Variants in STARD13 observed in about 807,000 individuals in gnomAD.
STARD13 encodes stAR-related lipid transfer protein 13.
A neutral mutation model predicts 106.4 loss-of-function variants in STARD13; 62 were observed. The observed-to-expected ratio is 0.58, with a 90% CI of 0.48 to 0.72. The LOEUF (loss-of-function observed/expected upper bound fraction) is 0.72. Ranked by LOEUF, STARD13 falls within the 30% of genes least tolerant of loss-of-function variation. STARD13 has a pLI of 0.00. For synonymous variants in STARD13, 565 were observed against 553.0 expected (o/e 1.02, Z -0.31); for missense variants, 1,387 against 1,424.0 (o/e 0.97, Z 0.42).
chr13:33,121,996 C>T (rs1240006836), intron 7 of STARD13, among the ~76,000 whole-genome samples: 1 of 152,190 alleles, frequency 6.6e-6, no homozygotes, highest in African/African-American at 2.4e-5. Context: ...CAGGCACCTG[C>T]CACCATGCCC....
At chr13:33,189,224 T>G (rs1886025781) in intron 1 of STARD13, among the ~76,000 whole-genome samples, 1 of 151,994 alleles carries the variant, frequency 6.6e-6, no homozygotes, top group South Asian at 2.1e-4. Context: ...AAAGCATGTT[T>G]ATAATTTGGT....
At chr13:33,590,104 A>G in the STARD13 span, among the ~76,000 whole-genome samples, 5,557 of 152,236 alleles carry the variant, frequency 0.037, 264 homozygotes, top group African/African-American at 0.1. Context: ...AAAAATGCTC[A>G]TCATTAGTGG....
At chr13:33,273,957 GTA>G (rs1426401084) in intron 1 of STARD13, 1 of 152,084 alleles carries the variant, frequency 6.6e-6, no homozygotes, top group African/African-American at 2.4e-5. Flanking sequence ...TGTTTTCTCA[GTA>G]TCCTATGCTG....
At chr13:33,240,965 G>C (rs1889457184) in intron 1 of STARD13, among the ~76,000 whole-genome samples, 2 of 151,972 alleles carry the variant, frequency 1.3e-5, no homozygotes, top group African/African-American at 4.8e-5. Flanking sequence ...CCATTTTTTG[G>C]TGGAGTCTTT....
intron 1 of STARD13, among the ~76,000 whole-genome samples, chr13:33,208,326 C>T (rs1018331023): frequency 5.9e-5 from 9 of 151,776 alleles, no homozygotes; most frequent in African/African-American, 1.9e-4. Flanking sequence ...TGAGGGAGGA[C>T]CCAGGAGAGA....
At chr13:33,542,063 CCTT>C in the STARD13 span, among the ~76,000 whole-genome samples, 1 of 146,864 alleles carries the variant, frequency 6.8e-6, no homozygotes, top group African/African-American at 2.6e-5. Flanking sequence ...AAACTAAACT[CCTT>C]AAGAGAATCG....
At chr13:33,529,804 A>G in the STARD13 span, among the ~76,000 whole-genome samples, 3 of 152,184 alleles carry the variant, frequency 2.0e-5, no homozygotes, top group Admixed American at 1.3e-4. Context: ...AAGCACAAAA[A>G]CAATACAGCA....
chr13:33,631,989 A>G, the STARD13 span, among the ~76,000 whole-genome samples: 7 of 152,236 alleles, frequency 4.6e-5, no homozygotes, highest in Non-Finnish European at 1.0e-4. Context: ...AATGGTCACA[A>G]TAAAAATTCC....
At chr13:33,350,167 C>G in intron 1 of STARD13, 1 of 1,270,446 alleles carries the variant, frequency 7.9e-7, no homozygotes, top group African/African-American at 1.6e-5. Context: ...CCGCTCGCCC[C>G]GGCCTTGGGC....
chr13:33,381,476 A>C, the STARD13 span, among the ~76,000 whole-genome samples: 2 of 152,304 alleles, frequency 1.3e-5, no homozygotes, highest in African/African-American at 2.4e-5. Context: ...ACGGTAGCTC[A>C]TGCCTGTAAT....
the STARD13 span, among the ~76,000 whole-genome samples, chr13:33,642,666 T>C: frequency 2.0e-5 from 3 of 152,114 alleles, no homozygotes; most frequent in Admixed American, 2.0e-4. Flanking sequence ...TTAAATAACC[T>C]GCCCTGAGTC....
chr13:33,337,858 C>A (rs182659847), intron 1 of STARD13, among the ~76,000 whole-genome samples: 1 of 152,302 alleles, frequency 6.6e-6, no homozygotes, highest in Admixed American at 6.5e-5. Flanking sequence ...TGTGGGCCTT[C>A]CATTCAATAA....
chr13:33,255,548 G>A (rs1890321093), intron 1 of STARD13, among the ~76,000 whole-genome samples: 1 of 151,962 alleles, frequency 6.6e-6, no homozygotes, highest in South Asian at 2.1e-4. Flanking sequence ...AGTACAGTGT[G>A]CCTTGATGGT....
chr13:33,521,410 AC>A, the STARD13 span, among the ~76,000 whole-genome samples: 2 of 151,946 alleles, frequency 1.3e-5, no homozygotes, highest in Admixed American at 1.3e-4. Context: ...AAGTGAGTTG[AC>A]TCTTTAGAAG....
At chr13:33,419,874 A>G in the STARD13 span, among the ~76,000 whole-genome samples, 1 of 152,194 alleles carries the variant, frequency 6.6e-6, no homozygotes, top group African/African-American at 2.4e-5. Context: ...TAAGTGAAGG[A>G]CAAATAAAAT....
chr13:33,638,274 A>G, the STARD13 span, among the ~76,000 whole-genome samples: 1 of 152,194 alleles, frequency 6.6e-6, no homozygotes, highest in Admixed American at 6.5e-5. Flanking sequence ...CAATCAATAC[A>G]TGTAAGATAC....
the STARD13 span, among the ~76,000 whole-genome samples, chr13:33,356,353 A>C: frequency 6.2e-4 from 94 of 152,346 alleles, 1 homozygote; most frequent in African/African-American, 2.1e-3. Context: ...TTGAGACCTC[A>C]AACATACACT....
the STARD13 span, among the ~76,000 whole-genome samples, chr13:33,486,300 C>T: frequency 6.6e-6 from 1 of 152,040 alleles, no homozygotes; most frequent in Admixed American, 6.5e-5. Flanking sequence ...GCTTCAAATC[C>T]TTTCTTTCCT....
chr13:33,600,520 CACAT>C, the STARD13 span, among the ~76,000 whole-genome samples: 5 of 152,154 alleles, frequency 3.3e-5, no homozygotes, highest in African/African-American at 7.2e-5. Context: ...CACACAGAAA[CACAT>C]ACATACATAT....
Sources: allele counts gnomAD v4.1 joint callset (sites outside exome capture counted in the v4.1 genomes callset), GRCh38; gene constraint gnomAD v4.1.1; transcripts MANE v1.5; gene names NCBI Gene and HGNC (gene_info 2026-07-23, HGNC 2026-07-21).